Variants in ANKS1B observed in about 807,000 individuals in gnomAD.
ANKS1B encodes the protein ankyrin repeat and sterile alpha motif domain-containing protein 1B.
A neutral mutation model predicts 148.3 loss-of-function variants in ANKS1B; 36 were observed. The ratio of observed to expected loss-of-function variants is 0.24; its 90% CI spans 0.19 to 0.32. The LOEUF (loss-of-function observed/expected upper bound fraction) is 0.32. Ranked by LOEUF, ANKS1B falls within the 10% of genes least tolerant of loss-of-function variation. The pLI, the probability that ANKS1B is intolerant of heterozygous loss-of-function variation, is 1.00. For missense variants in ANKS1B, 1,157 were observed against 1,542.6 expected, an observed-to-expected ratio of 0.75 and a Z score of 4.19; for synonymous variants, 542 against 560.8, an observed-to-expected ratio of 0.97 and a Z score of 0.47.
chr12:99,579,856 C>T (rs1442172030), intron 9 of ANKS1B, among the ~76,000 whole-genome samples: 1 of 152,152 alleles, frequency 6.6e-6, no homozygotes, highest in East Asian at 1.9e-4. Flanking sequence ...TGGATATATA[C>T]TGAAAGGAAA....
chr12:99,441,309 C>G lies in ANKS1B; in HGVS notation c.1575+2364G>C, dbSNP rs2095546022. On this transcript the variant is annotated intron_variant, in intron 11 of 26. Transcript: ENST00000683438. ...ACACCTGTGATTTGTCAGAACACAG[C>G]AGGAGTCTCCTGTTCTATCCATCCA... is the stretch of plus-strand genomic sequence containing the variant. 4.6e-5 allele frequency among the ~76,000 whole-genome samples: 7 copies of G among 151,992 alleles called. No individual in the cohort carries two copies. The South Asian group carries it at 1.5e-3, about 32-fold the overall frequency.
intron 12 of ANKS1B, among the ~76,000 whole-genome samples, chr12:99,262,112 A>G (rs1234430594): frequency 2.0e-5 from 3 of 152,002 alleles, no homozygotes; most frequent in South Asian, 4.1e-4. Context: ...TCAAATATCT[A>G]TTCCTAACGA....
At chr12:99,403,020 A>G (rs2094445260) in intron 11 of ANKS1B, among the ~76,000 whole-genome samples, 1 of 144,954 alleles carries the variant, frequency 6.9e-6, no homozygotes. Flanking sequence ...TTCTGAATTG[A>G]TTTGAAATGG....
intron 14 of ANKS1B, among the ~76,000 whole-genome samples, chr12:99,158,354 A>C (rs2076294620): frequency 6.6e-6 from 1 of 152,178 alleles, no homozygotes; most frequent in Non-Finnish European, 1.5e-5. Flanking sequence ...GAAACTGACC[A>C]TTATTCTGGG....
intron 14 of ANKS1B, among the ~76,000 whole-genome samples, chr12:99,243,926 AG>A (rs1376624357): frequency 1.3e-5 from 2 of 152,120 alleles, no homozygotes; most frequent in Non-Finnish European, 2.9e-5. Flanking sequence ...GTAAATGACG[AG>A]TTGATGGGTG....
At chr12:99,983,891 T>C (rs2095745568) in intron 1 of ANKS1B, among the ~76,000 whole-genome samples, 1 of 152,178 alleles carries the variant, frequency 6.6e-6, no homozygotes, top group Non-Finnish European at 1.5e-5. Context: ...GACGCATTGA[T>C]GGAAGGCTAT....
intron 22 of ANKS1B, among the ~76,000 whole-genome samples, chr12:98,784,890 AT>A (rs2098775892): frequency 1.3e-5 from 2 of 152,198 alleles, no homozygotes; most frequent in South Asian, 4.1e-4. Flanking sequence ...GCCTCTATGA[AT>A]GGCAGTGTTG....
chr12:98,976,957 C>A (rs372943394), intron 17 of ANKS1B, among the ~76,000 whole-genome samples: 3 of 152,074 alleles, frequency 2.0e-5, no homozygotes, highest in East Asian at 3.9e-4. Flanking sequence ...CACAGTGGCT[C>A]CAAAGTCAAA....
chr12:99,159,991 G>GT, intron 14 of ANKS1B, among the ~76,000 whole-genome samples: 1 of 152,202 alleles, frequency 6.6e-6, no homozygotes, highest in East Asian at 1.9e-4. Context: ...GTTAAGCATT[G>GT]TTTCGTATGT....
intron 17 of ANKS1B, among the ~76,000 whole-genome samples, chr12:99,046,842 C>A (rs977100839): frequency 4.0e-5 from 6 of 149,782 alleles, no homozygotes; most frequent in Non-Finnish European, 7.4e-5. Flanking sequence ...AAGAAAGACC[C>A]AAGTCTAACT....
chr12:98,788,592 C>T (rs1332115344), intron 22 of ANKS1B, among the ~76,000 whole-genome samples: 1 of 152,168 alleles, frequency 6.6e-6, no homozygotes, highest in African/African-American at 2.4e-5. Context: ...GAAACCACAC[C>T]TCCTGCATAT....
intron 16 of ANKS1B, among the ~76,000 whole-genome samples, chr12:99,070,411 G>A (rs779912130): frequency 1.4e-4 from 21 of 152,164 alleles, no homozygotes; most frequent in African/African-American, 4.3e-4. Context: ...GCTTCATTAA[G>A]CTCACTATAG....
At chr12:98,760,698 G>T (rs2098385772) in intron 25 of ANKS1B, among the ~76,000 whole-genome samples, 1 of 152,168 alleles carries the variant, frequency 6.6e-6, no homozygotes, top group Admixed American at 6.5e-5. Context: ...TCTTCTCAGT[G>T]AGACTTTGAA....
chr12:99,678,022 C>G (rs930091712), intron 8 of ANKS1B, among the ~76,000 whole-genome samples: 3 of 152,096 alleles, frequency 2.0e-5, no homozygotes, highest in African/African-American at 2.4e-5. Context: ...ACAACTCTGT[C>G]TTGGCAAAAA....
At chr12:99,520,209 C>T (rs1045043611) in intron 9 of ANKS1B, among the ~76,000 whole-genome samples, 2 of 152,164 alleles carry the variant, frequency 1.3e-5, no homozygotes, top group African/African-American at 4.8e-5. Context: ...TTAACATGCT[C>T]TTCTTTCAGA....
At chr12:98,963,881 C>T (rs1158175498) in intron 17 of ANKS1B, among the ~76,000 whole-genome samples, 1 of 152,072 alleles carries the variant, frequency 6.6e-6, no homozygotes, top group East Asian at 1.9e-4. Flanking sequence ...AGGTGAATCA[C>T]CTGAGGTCAG....
At position 99,496,929 on chromosome 12, in the gene ANKS1B, T is replaced by G. The variant is rs533041476; in HGVS notation, c.1438+7547A>C. Among the ~76,000 whole-genome samples the G allele has an allele frequency of 3.3e-5, 5 of 152,294 alleles. No homozygotes were observed. The East Asian group carries it at 9.7e-4, about 29-fold the overall frequency. ...AAGCCAGGCAGGTTGTGTGCTGTAC[T>G]GTGGCCCAAGCATCCTCAATTGCCT... On this transcript the variant is annotated intron_variant, in intron 10 of 26. Transcript: ENST00000683438.
At chr12:99,582,051 T>C (rs1451932321) in intron 9 of ANKS1B, among the ~76,000 whole-genome samples, 2 of 152,002 alleles carry the variant, frequency 1.3e-5, no homozygotes, top group African/African-American at 4.8e-5. Flanking sequence ...CATTGAAAGA[T>C]ATAAAGATAC....
chr12:98,991,877 A>C (rs1358093590), intron 17 of ANKS1B, among the ~76,000 whole-genome samples: 1 of 152,212 alleles, frequency 6.6e-6, no homozygotes, highest in Non-Finnish European at 1.5e-5. Context: ...AAACACTTAT[A>C]AACAAAGTAC....
Sources: allele counts gnomAD v4.1 joint callset (sites outside exome capture counted in the v4.1 genomes callset), GRCh38; gene constraint gnomAD v4.1.1; transcripts MANE v1.5; gene names NCBI Gene and HGNC (gene_info 2026-07-23, HGNC 2026-07-21).